PCDH9: variants seen among roughly 807,000 people sequenced by gnomAD.
PCDH9 encodes protocadherin 9.
Under a neutral mutation model 70.6 loss-of-function variants are expected in PCDH9, and 24 were observed. That is an observed-to-expected ratio of 0.34 (90% CI 0.25 to 0.48). PCDH9 has a LOEUF of 0.48. Ranked by LOEUF, PCDH9 falls within the 20% of genes least tolerant of loss-of-function variation. The pLI is 0.99. For synonymous variants in PCDH9, 562 were observed against 558.5 expected (o/e 1.01, Z -0.09); for missense variants, 1,281 against 1,503.6 (o/e 0.85, Z 2.45).
Position 66,358,098 on chromosome 13 carries a change from A to G in PCDH9, c.3341-53070T>C, listed in dbSNP as rs145534863. 7.4e-4 allele frequency among the ~76,000 whole-genome samples: 113 copies of G among 152,126 alleles called. 4 individuals are homozygous for G. In the East Asian group the frequency reaches 0.017, roughly 23 times the overall value. On this transcript the variant is annotated intron_variant, in intron 4 of 4. Coordinates refer to ENST00000377865, the MANE Select transcript of PCDH9 (RefSeq NM_203487.3). ...GATACAATGCAAGCAATATAATTAA[A>G]TTGTCTGCCAAAATTCAGGGTAGGT...
intron 2 of PCDH9, among the ~76,000 whole-genome samples, chr13:67,184,704 C>A (rs1390547478): frequency 6.6e-6 from 1 of 152,130 alleles, no homozygotes; most frequent in East Asian, 1.9e-4. Flanking sequence ...GCATTCCAGC[C>A]TGGGTGAAAA....
intron 4 of PCDH9, among the ~76,000 whole-genome samples, chr13:66,485,845 G>T (rs2138519835): frequency 6.6e-6 from 1 of 151,884 alleles, no homozygotes; most frequent in African/African-American, 2.4e-5. Context: ...GGGTTCAAGT[G>T]ATTCTCATGT....
intron 4 of PCDH9, among the ~76,000 whole-genome samples, chr13:66,449,595 T>C (rs962462856): frequency 1.3e-5 from 2 of 152,110 alleles, no homozygotes; most frequent in Non-Finnish European, 2.9e-5. Context: ...GAAAATCCTA[T>C]CTCACAAATA....
At chr13:67,073,499 C>CAA (rs141396994) in intron 2 of PCDH9, among the ~76,000 whole-genome samples, 1 of 146,048 alleles carries the variant, frequency 6.8e-6, no homozygotes, top group African/African-American at 2.5e-5. Flanking sequence ...AACTTTTTGG[C>CAA]AAAAAAAAAA....
intron 4 of PCDH9, among the ~76,000 whole-genome samples, chr13:66,427,968 T>C (rs1186650425): frequency 6.6e-6 from 1 of 151,818 alleles, no homozygotes; most frequent in East Asian, 1.9e-4. Context: ...ATATTATATG[T>C]TTTGAGGTAA....
At chr13:66,348,169 T>C (rs1593838921) in intron 4 of PCDH9, among the ~76,000 whole-genome samples, 2 of 152,274 alleles carry the variant, frequency 1.3e-5, no homozygotes, top group East Asian at 3.9e-4. Flanking sequence ...TTCCCTGTTT[T>C]GTTTTACCCT....
At chr13:66,925,740 A>C (rs566037387) in intron 2 of PCDH9, among the ~76,000 whole-genome samples, 1 of 151,974 alleles carries the variant, frequency 6.6e-6, no homozygotes, top group Non-Finnish European at 1.5e-5. Context: ...TAATATAATA[A>C]TATGTAATAA....
intron 4 of PCDH9, among the ~76,000 whole-genome samples, chr13:66,369,790 A>G (rs1956614688): frequency 6.6e-6 from 1 of 152,096 alleles, no homozygotes; most frequent in South Asian, 2.1e-4. Flanking sequence ...AGCAAAAAAT[A>G]CTTTTGATTG....
intron 2 of PCDH9, among the ~76,000 whole-genome samples, chr13:67,083,989 C>A (rs1445317908): frequency 6.6e-6 from 1 of 152,088 alleles, no homozygotes; most frequent in African/African-American, 2.4e-5. Context: ...GCAGAGATCA[C>A]CACTCTTAGG....
intron 3 of PCDH9, among the ~76,000 whole-genome samples, chr13:66,779,839 C>CTCTCTT (rs2079962014): frequency 4.0e-5 from 1 of 24,696 alleles, no homozygotes; most frequent in Non-Finnish European, 9.6e-5. Flanking sequence ...CTCTCTCTCT[C>CTCTCTT]TCTCTCTCTC....
chr13:67,037,237 T>C (rs571119915), intron 2 of PCDH9, among the ~76,000 whole-genome samples: 1 of 152,256 alleles, frequency 6.6e-6, no homozygotes, highest in East Asian at 1.9e-4. Flanking sequence ...CTGGGCTAAG[T>C]AGTGTTGGAA....
chr13:66,824,653 T>C (rs1366849354), intron 3 of PCDH9, among the ~76,000 whole-genome samples: 1 of 7,558 alleles, frequency 1.3e-4, no homozygotes, highest in Non-Finnish European at 3.5e-4. Context: ...GAAACTCTGA[T>C]ATATATATAT....
At chr13:66,376,458 T>C (rs1011699871) in intron 4 of PCDH9, among the ~76,000 whole-genome samples, 1 of 152,164 alleles carries the variant, frequency 6.6e-6, no homozygotes, top group African/African-American at 2.4e-5. Context: ...CTCCTTATAA[T>C]AATGTAATTT....
intron 4 of PCDH9, among the ~76,000 whole-genome samples, chr13:66,558,618 GA>G (rs1961852637): frequency 6.6e-6 from 1 of 151,908 alleles, no homozygotes; most frequent in Admixed American, 6.6e-5. Flanking sequence ...GAAACTTTCA[GA>G]AAGTGCCCTA....
intron 3 of PCDH9, among the ~76,000 whole-genome samples, chr13:66,736,207 T>C (rs2079146223): frequency 6.6e-6 from 1 of 152,138 alleles, no homozygotes; most frequent in Non-Finnish European, 1.5e-5. Flanking sequence ...CCCAATTGCA[T>C]ATGTTGAAGC....
At chr13:66,975,788 G>A (rs2083608249) in intron 2 of PCDH9, among the ~76,000 whole-genome samples, 2 of 151,842 alleles carry the variant, frequency 1.3e-5, no homozygotes, top group African/African-American at 4.8e-5. Flanking sequence ...CCGTATAGTA[G>A]AGGAAATAGA....
intron 4 of PCDH9, among the ~76,000 whole-genome samples, chr13:66,430,306 A>G (rs1031595851): frequency 6.6e-6 from 1 of 152,036 alleles, no homozygotes; most frequent in Non-Finnish European, 1.5e-5. Context: ...TTCATTTGAT[A>G]TATCAAGGGC....
intron 3 of PCDH9, among the ~76,000 whole-genome samples, chr13:66,719,049 T>C (rs1046499829): frequency 2.6e-5 from 4 of 152,198 alleles, no homozygotes; most frequent in Non-Finnish European, 5.9e-5. Flanking sequence ...TTAGTTAATA[T>C]GGGCTAATGT....
At chr13:66,421,264 T>C (rs943606187) in intron 4 of PCDH9, among the ~76,000 whole-genome samples, 3 of 152,104 alleles carry the variant, frequency 2.0e-5, no homozygotes, top group African/African-American at 7.2e-5. Flanking sequence ...CTTCAAGATA[T>C]TCAGGAGAAC....
Sources: allele counts gnomAD v4.1 joint callset (sites outside exome capture counted in the v4.1 genomes callset), GRCh38; gene constraint gnomAD v4.1.1; transcripts MANE v1.5; gene names NCBI Gene and HGNC (gene_info 2026-07-23, HGNC 2026-07-21).